AKR1B15: variants seen among roughly 807,000 people sequenced by gnomAD.
The protein encoded by AKR1B15 is estradiol 17-beta-dehydrogenase AKR1B15.
A neutral mutation model predicts 38.5 loss-of-function variants in AKR1B15; 49 were observed. That is an observed-to-expected ratio of 1.27 (90% confidence interval 1.01 to 1.62). The LOEUF is 1.62. Among genes scored for constraint, AKR1B15 ranks in the 40% most tolerant of loss-of-function variants. The pLI is 0.00. For synonymous variants in AKR1B15, 137 were observed against 135.5 expected, an observed-to-expected ratio of 1.01 and a Z score of -0.08; for missense variants, 411 against 381.6, an observed-to-expected ratio of 1.08 and a Z score of -0.64.
At chr7:134,566,230 G>A (rs538485163) in intron 3 of AKR1B15, among the ~76,000 whole-genome samples, 1 of 152,292 alleles carries the variant, frequency 6.6e-6, no homozygotes, top group East Asian at 1.9e-4. Context: ...GAGAGGTCAA[G>A]GCTGCAGTGA....
chr7:134,562,671 C>T (rs1234031678), intron 2 of AKR1B15, among the ~76,000 whole-genome samples: 1 of 152,016 alleles, frequency 6.6e-6, no homozygotes, highest in Non-Finnish European at 1.5e-5. Context: ...TTCTCCGAGT[C>T]CCCACCCAAC....
intron 9 of AKR1B15, 119 bp downstream of exon 9, chr7:134,576,549 C>G (rs1183485654): frequency 2.0e-5 from 24 of 1,218,330 alleles, no homozygotes; most frequent in Middle Eastern, 3.8e-4. Flanking sequence ...CTGAAGCCCT[C>G]TAAAGTATTT....
chr7:134,579,477 G>GTTT (rs777062632), intron 11 of AKR1B15, 30 bp from the exon 12 acceptor site: 23 of 1,518,148 alleles, frequency 1.5e-5, no homozygotes, highest in Middle Eastern at 1.7e-4. Flanking sequence ...ATGGAACACA[G>GTTT]TTTCTTTTTT....
chr7:134,549,826 G>A (rs146945201), intron 1 of AKR1B15, among the ~76,000 whole-genome samples: 2 of 152,212 alleles, frequency 1.3e-5, no homozygotes, highest in East Asian at 3.9e-4. Context: ...TTCATATGTC[G>A]GATCGTCGAT....
chr7:134,564,972 T>C, intron 3 of AKR1B15: 1 of 392,208 alleles, frequency 2.5e-6, no homozygotes, highest in Non-Finnish European at 4.6e-6. Context: ...CAATCAGCAC[T>C]CTGTAAAAAC....
At chr7:134,558,801 T>G (rs565728718) in intron 2 of AKR1B15, among the ~76,000 whole-genome samples, 38 of 152,312 alleles carry the variant, frequency 2.5e-4, no homozygotes, top group African/African-American at 8.7e-4. Context: ...TGGTCTAGGC[T>G]CTACCTTCTT....
chr7:134,577,612 T>C, intron 10 of AKR1B15, 92 bp from the exon 11 acceptor site: 1 of 1,423,948 alleles, frequency 7.0e-7, no homozygotes, highest in South Asian at 1.2e-5. Flanking sequence ...GTGCTGTGAA[T>C]GTGAGCTCCC....
chr7:134,549,974 T>C (rs974379595), intron 1 of AKR1B15, among the ~76,000 whole-genome samples: 3 of 152,166 alleles, frequency 2.0e-5, no homozygotes, highest in African/African-American at 4.8e-5. Flanking sequence ...AATTAGGTGT[T>C]GTTATGGGGA....
chr7:134,562,321 G>C (rs1325219300), intron 2 of AKR1B15, among the ~76,000 whole-genome samples: 1 of 152,196 alleles, frequency 6.6e-6, no homozygotes, highest in Non-Finnish European at 1.5e-5. Flanking sequence ...GGGTACCTAA[G>C]CGGGTTGCCT....
At chr7:134,574,210 A>T (rs1488735047) in intron 6 of AKR1B15, among the ~76,000 whole-genome samples, 2 of 152,116 alleles carry the variant, frequency 1.3e-5, no homozygotes, top group African/African-American at 2.4e-5. Context: ...TTCAAAGCTC[A>T]CTAGTGATTC....
chr7:134,579,676 C>G lies in AKR1B15; in HGVS notation c.*127C>G. The G allele has an allele frequency of 2.5e-6, 2 of 794,586 alleles. No homozygotes were observed. The highest frequency in any genetic ancestry group is 3.9e-6 in the Non-Finnish European group (2 of 513,394). 49.2% of individuals were successfully genotyped at this position (794,586 alleles called of 1,614,324 possible). A position where few individuals can be genotyped will look rare whatever the true frequency, so the allele number is the denominator to read the frequency against. Reference sequence around the variant, plus strand: ...CAGTGAACTTTGTCCTGTTGTAGACCAGAATGGAGGTGCTGTTTTAGACAT... The same window carrying G: ...CAGTGAACTTTGTCCTGTTGTAGACGAGAATGGAGGTGCTGTTTTAGACAT... On this transcript the variant is annotated 3_prime_UTR_variant, in exon 12 of 12. Coordinates refer to ENST00000457545, the MANE Select transcript of AKR1B15 (RefSeq NM_001080538.3).
At chr7:134,571,984 T>G (rs551924193) in intron 6 of AKR1B15, among the ~76,000 whole-genome samples, 3 of 152,312 alleles carry the variant, frequency 2.0e-5, no homozygotes, top group Non-Finnish European at 4.4e-5. Flanking sequence ...GGGCCTGGGT[T>G]TGCTCATAGC....
Position 134,568,270 on chromosome 7 carries a change from A to G in AKR1B15, c.263A>G (p.Gln88Arg). 1 of 1,614,138 alleles carries G rather than the reference A, an allele frequency of 6.2e-7. No homozygotes were observed. Among genetic ancestry groups the G allele is most frequent in the Non-Finnish European group, 8.5e-7 (1 of 1,180,000 alleles). ...ENQHEVGEAI[Q>R]EKIQEKAVMR... ...CAACATGAGGTGGGAGAAGCCATCC[A>G]AGAGAAGATCCAAGAGAAGGCTGTG... Residue 88 changes from glutamine (Q) to arginine (R), a missense_variant, in exon 4 of 12, where the codon CAA becomes CGA. This residue lies in a region of AKR1B15 where 254 missense variants were observed against 212.4 expected (regional missense o/e 1.20). Coordinates refer to ENST00000457545, the MANE Select transcript of AKR1B15 (RefSeq NM_001080538.3).
intron 1 of AKR1B15, among the ~76,000 whole-genome samples, chr7:134,555,736 G>A (rs1015524315): frequency 2.0e-5 from 3 of 152,116 alleles, no homozygotes; most frequent in Non-Finnish European, 4.4e-5. Flanking sequence ...AGCAGGGAAC[G>A]CTGACCTTGC....
chr7:134,576,280 A>G, intron 8 of AKR1B15, 69 bp from the exon 9 acceptor site: 1 of 1,506,306 alleles, frequency 6.6e-7, no homozygotes, highest in Non-Finnish European at 9.2e-7. Flanking sequence ...TGAGACCCTC[A>G]TTGGAGTGGT....
At chr7:134,577,244 A>C (rs6966945) in intron 10 of AKR1B15, among the ~76,000 whole-genome samples, 198 bp downstream of exon 10, 53,327 of 152,080 alleles carry the variant, frequency 0.35, 9,680 homozygotes, top group African/African-American at 0.42. Context: ...TCCTGGGGGC[A>C]GTGCCTGGTA....
intron 6 of AKR1B15, among the ~76,000 whole-genome samples, chr7:134,573,951 G>A (rs954930337): frequency 2.6e-5 from 4 of 152,154 alleles, no homozygotes; most frequent in Non-Finnish European, 5.9e-5. Context: ...CCAGAGTAGA[G>A]TACAATGGCA....
chr7:134,570,668 G>A (rs753766226), intron 5 of AKR1B15, among the ~76,000 whole-genome samples: 135 of 152,308 alleles, frequency 8.9e-4, no homozygotes, highest in African/African-American at 2.1e-3. Flanking sequence ...GTGCCAGAAA[G>A]TAGTAGCTGC....
intron 2 of AKR1B15, among the ~76,000 whole-genome samples, chr7:134,564,125 C>T (rs973270869): frequency 6.6e-6 from 1 of 152,168 alleles, no homozygotes; most frequent in African/African-American, 2.4e-5. Flanking sequence ...AGCCATACAG[C>T]TAATACCCCT....
Sources: allele counts gnomAD v4.1 joint callset (sites outside exome capture counted in the v4.1 genomes callset), GRCh38; gene constraint gnomAD v4.1.1; regional missense constraint gnomAD v4.1.1; transcripts MANE v1.5; gene names NCBI Gene and HGNC (gene_info 2026-07-23, HGNC 2026-07-21).